CIP2A: variants seen among roughly 807,000 people sequenced by gnomAD.
CIP2A encodes the protein cellular inhibitor of PP2A.
A neutral mutation model predicts 110.9 loss-of-function variants in CIP2A; 103 were observed. That is an observed-to-expected ratio of 0.93 (90% CI 0.79 to 1.09). The LOEUF (loss-of-function observed/expected upper bound fraction) is 1.09. Ranked by LOEUF, CIP2A falls within the 50% of genes least tolerant of loss-of-function variation. CIP2A has a pLI of 0.00. For synonymous variants in CIP2A, 381 were observed against 361.6 expected (o/e 1.05, Z -0.61); for missense variants, 1,088 against 1,038.4 (o/e 1.05, Z -0.66).
Position 108,554,574 on chromosome 3 carries a change from T to A in CIP2A, c.2211-85A>T. 3 of 634,328 alleles carry A rather than the reference T, an allele frequency of 4.7e-6. No homozygotes were observed. In the South Asian group the frequency reaches 5.9e-5, roughly 12 times the overall value. 39.3% of individuals were successfully genotyped at this position (634,328 alleles called of 1,614,324 possible). On this transcript the variant is annotated intron_variant, in intron 17 of 20. Transcript: ENST00000295746. The stretch of plus-strand genomic sequence containing the variant: ...GAAGCTCACAGTGTTTTCTTTACTA[T>A]CTCTTCTAACCAAATTGCATATGCT...
At chr3:108,559,550 T>C (rs367706698) in intron 16 of CIP2A, among the ~76,000 whole-genome samples, 1 of 151,548 alleles carries the variant, frequency 6.6e-6, no homozygotes, top group Admixed American at 6.6e-5. Context: ...ATAAATAACA[T>C]AGGAAAATAA....
chr3:108,585,130 A>T lies in CIP2A; in HGVS notation c.185T>A (p.Leu62Gln). ...AGCACTTATGTTGGGGTCTTCAAGT[A>T]GCTCTACAAGGCAACTCAAGCATTC... ...TSECLSCLVELLEDPNISASL... is the reference protein window; with the variant it reads ...TSECLSCLVEQLEDPNISASL... Residue 62 changes from leucine to glutamine, a missense_variant, in exon 2 of 21, where the codon CTA becomes CAA. Leu to Gln is a moderately radical substitution (Grantham distance 113). Transcript: ENST00000295746. The T allele has an allele frequency of 6.2e-7, 1 of 1,613,654 alleles. No individual in the cohort carries two copies. The highest frequency in any genetic ancestry group is 1.1e-5 in the South Asian group (1 of 91,034).
chr3:108,573,571 G>C (rs13327802), intron 8 of CIP2A, among the ~76,000 whole-genome samples: 2,903 of 151,098 alleles, frequency 0.019, 104 homozygotes, highest in African/African-American at 0.067. Context: ...CTTTAGATTC[G>C]AATACTAGAT....
intron 5 of CIP2A, among the ~76,000 whole-genome samples, chr3:108,580,462 C>CACACAT (rs1938831438): frequency 6.6e-6 from 1 of 151,550 alleles, no homozygotes; most frequent in Non-Finnish European, 1.5e-5. Flanking sequence ...CACACACACA[C>CACACAT]ACACACACAC....
chr3:108,589,386 G>A lies in CIP2A; in HGVS notation c.-11C>T, dbSNP rs539593322. The A allele has an allele frequency of 7.5e-5, 120 of 1,604,448 alleles. No homozygotes were observed. Among genetic ancestry groups the A allele is most frequent in the South Asian group, 3.6e-4 (32 of 90,120 alleles). On this transcript the variant is annotated 5_prime_UTR_variant, in exon 1 of 21. Transcript: ENST00000295746. ...GGCAGTGGAGTCCATTGCACCGGCC[G>A]CGGCCCGGCTTAGGGACCACCACCG...
intron 8 of CIP2A, among the ~76,000 whole-genome samples, chr3:108,573,439 T>C (rs1374009456): frequency 2.0e-5 from 3 of 152,010 alleles, no homozygotes; most frequent in African/African-American, 7.2e-5. Context: ...AAATTAAGTT[T>C]TAAATTTTTA....
chr3:108,557,525 G>T, intron 16 of CIP2A, 111 bp from the exon 17 acceptor site: 1 of 739,260 alleles, frequency 1.4e-6, no homozygotes, highest in Non-Finnish European at 2.0e-6. Flanking sequence ...TATCTGTTGG[G>T]TCATGCAAAG....
At chr3:108,569,682 T>C (rs910081731) in intron 8 of CIP2A, 75 bp from the exon 9 acceptor site, 2 of 1,064,000 alleles carry the variant, frequency 1.9e-6, no homozygotes, top group Admixed American at 4.4e-5. Context: ...ATGATGAAGC[T>C]GAAAATGCTA....
chr3:108,566,200 A>C (rs1473941862), intron 11 of CIP2A, among the ~76,000 whole-genome samples: 2 of 151,774 alleles, frequency 1.3e-5, no homozygotes. Flanking sequence ...TTGATTACTG[A>C]GGCAATGTCA....
chr3:108,553,699 G>C lies in CIP2A; in HGVS notation c.2356C>G (p.Gln786Glu), dbSNP rs1383739997. The change falls in exon 19 of 21, where the codon CAG (glutamine) becomes GAG (glutamate). Residue 786 changes from glutamine (Q) to glutamate (E), a missense_variant. Physicochemically the swap from Gln to Glu is conservative, Grantham distance 29 (BLOSUM62 2). Coordinates refer to ENST00000295746, the MANE Select transcript of CIP2A (RefSeq NM_020890.3). ...SIAQLIEKEE[Q>E]RKEVQNQLVD... ...AGCTGATTCTGTACTTCTTTTCTCTGTTCTTCTTTCTCTATTAATTGGGCA... is the reference window on the plus strand; with the variant it reads ...AGCTGATTCTGTACTTCTTTTCTCTCTTCTTCTTTCTCTATTAATTGGGCA... 3.3e-6 allele frequency: 5 copies of C among 1,499,634 alleles called. No individual in the cohort carries two copies. The highest frequency in any genetic ancestry group is 4.6e-6 in the Non-Finnish European group (5 of 1,078,782). The allele number at this position is 1,499,634 out of a possible 1,614,324, so 92.9% of individuals were successfully genotyped here.
Position 108,589,257 on chromosome 3 carries a change from AC to A in CIP2A, c.102+16del. The A allele has an allele frequency of 6.3e-7, 1 of 1,597,792 alleles. No homozygotes were observed. Among genetic ancestry groups the A allele is most frequent in the Non-Finnish European group, 8.6e-7 (1 of 1,165,430 alleles). On this transcript the variant is annotated intron_variant, in intron 1 of 20. Coordinates refer to ENST00000295746, the MANE Select transcript of CIP2A (RefSeq NM_020890.3). ...CTAGGGGAAGCCCCATCTGTCCTCT[AC>A]CCCAGAGCCTCTCACCTCCAAGTGC... is the stretch of plus-strand genomic sequence containing the variant.
Position 108,585,056 on chromosome 3 carries a change from A to C in CIP2A, c.250+9T>G, listed in dbSNP as rs950778326. ...CCAAAAACTAAAAAGGAGAAATTAAATGCATTACCTAGTTGAGACAGCAAA... is the reference window on the plus strand; with the variant it reads ...CCAAAAACTAAAAAGGAGAAATTAACTGCATTACCTAGTTGAGACAGCAAA... On this transcript the variant is annotated intron_variant, in intron 2 of 20. Coordinates refer to ENST00000295746, the MANE Select transcript of CIP2A (RefSeq NM_020890.3). 1.9e-6 allele frequency: 3 copies of C among 1,598,228 alleles called. No homozygotes were observed. The highest frequency in any genetic ancestry group is 2.6e-6 in the Non-Finnish European group (3 of 1,173,460).
At chr3:108,576,185 G>C (rs1938645011) in intron 8 of CIP2A, 86 bp downstream of exon 8, 1 of 740,050 alleles carries the variant, frequency 1.4e-6, no homozygotes. Context: ...TGTGCATTTG[G>C]ATTTTTCTGT....
chr3:108,552,184 C>G, intron 20 of CIP2A, 50 bp downstream of exon 20: 1 of 1,475,662 alleles, frequency 6.8e-7, no homozygotes, highest in Non-Finnish European at 9.1e-7. Flanking sequence ...ACCCTTTTCA[C>G]AACAGACTTT....
In CIP2A at chr3:108,565,445, A is replaced by G. The variant is rs776927187; in HGVS notation, c.1425T>C (p.Ala475=). The G allele has an allele frequency of 2.5e-6, 4 of 1,580,114 alleles. No homozygotes were observed. The South Asian group carries it at 4.6e-5, about 18-fold the overall frequency. ...KVADSELCKL[A]ADVILKTLDL... is the part of the protein sequence containing the mutation. ...CAAGAGTTTTCAAAATTACATCAGC[A>G]GCAAGTTTGCTTTAAAGATAAATCA... The change falls in exon 12 of 21, where the codon GCT becomes GCC. Residue 475 remains alanine (A), a synonymous_variant. Coordinates refer to ENST00000295746, the MANE Select transcript of CIP2A (RefSeq NM_020890.3).
At chr3:108,587,642 A>G (rs1421071809) in intron 1 of CIP2A, among the ~76,000 whole-genome samples, 3 of 152,240 alleles carry the variant, frequency 2.0e-5, no homozygotes, top group African/African-American at 4.8e-5. Flanking sequence ...TCTCTTAATT[A>G]CAAAAAGTCC....
chr3:108,556,925 A>G (rs892188086), intron 17 of CIP2A, among the ~76,000 whole-genome samples: 1 of 151,270 alleles, frequency 6.6e-6, no homozygotes, highest in African/African-American at 2.5e-5. Context: ...TCTGTCAGTG[A>G]TCAAAACAGA....
At chr3:108,587,383 TCA>T (rs993324175) in intron 1 of CIP2A, among the ~76,000 whole-genome samples, 6 of 151,878 alleles carry the variant, frequency 4.0e-5, no homozygotes, top group Non-Finnish European at 7.4e-5. Context: ...AACATGAATT[TCA>T]CAGATTTTAT....
intron 8 of CIP2A, among the ~76,000 whole-genome samples, chr3:108,573,495 A>G (rs952285917): frequency 1.3e-5 from 2 of 151,840 alleles, no homozygotes; most frequent in African/African-American, 4.8e-5. Context: ...AGGTTTTGAT[A>G]CCCATAGAAT....
Sources: gnomAD v4.1 joint callset for allele counts (sites outside exome capture counted in the v4.1 genomes callset) on GRCh38, gnomAD v4.1.1 for gene constraint, MANE v1.5 for transcripts, NCBI Gene and HGNC (gene_info 2026-07-23, HGNC 2026-07-21) for gene names.